The following SAMSN1 variants were observed in gnomAD, a reference collection of about 807,000 sequenced individuals.
SAMSN1 encodes the protein SAM domain-containing protein SAMSN-1.
In SAMSN1, 31 loss-of-function variants were observed where a neutral mutation model predicts 42.0. That is an observed-to-expected ratio of 0.74 (90% confidence interval 0.55 to 1.00). The LOEUF (loss-of-function observed/expected upper bound fraction) is 1.00. Among genes scored for constraint, SAMSN1 ranks in the 50% least tolerant of loss-of-function variants. The probability of loss-of-function intolerance (pLI) is 0.00; values close to 1 mark genes in which losing one functional copy is unlikely to be tolerated. For missense variants in SAMSN1, 464 were observed against 439.4 expected, an observed-to-expected ratio of 1.06 and a Z score of -0.50; for synonymous variants, 178 against 151.9, an observed-to-expected ratio of 1.17 and a Z score of -1.26.
chr21:14,599,977 T>A (rs530108199), intron 6 of SAMSN1, among the ~76,000 whole-genome samples: 1 of 152,252 alleles, frequency 6.6e-6, no homozygotes, highest in Admixed American at 6.5e-5. Flanking sequence ...CTGAATATTG[T>A]CACATAAAAA....
At chr21:14,512,125 A>G (rs1231913817) in intron 4 of SAMSN1, among the ~76,000 whole-genome samples, 2 of 152,324 alleles carry the variant, frequency 1.3e-5, no homozygotes, top group East Asian at 3.9e-4. Flanking sequence ...TGTTGACTCA[A>G]GATAAAGGTG....
chr21:14,601,650 G>C (rs140213399), intron 6 of SAMSN1, among the ~76,000 whole-genome samples: 4 of 152,086 alleles, frequency 2.6e-5, no homozygotes, highest in African/African-American at 9.7e-5. Context: ...AAACTCCTGG[G>C]CTAATTAATG....
chr21:14,626,132 G>T (rs953342600), intron 2 of SAMSN1, among the ~76,000 whole-genome samples: 2 of 152,192 alleles, frequency 1.3e-5, no homozygotes, highest in African/African-American at 4.8e-5. Flanking sequence ...ATTACTTCAA[G>T]ATGGATTAAA....
intron 2 of SAMSN1, among the ~76,000 whole-genome samples, chr21:14,570,092 C>T (rs906996651): frequency 2.0e-5 from 3 of 151,866 alleles, no homozygotes; most frequent in East Asian, 3.9e-4. Flanking sequence ...CTATCACATG[C>T]GAGAAACTAA....
At chr21:14,615,960 A>C in intron 3 of SAMSN1, 1 of 579,550 alleles carries the variant, frequency 1.7e-6, no homozygotes, top group South Asian at 2.4e-5. Context: ...AAGTTTACCA[A>C]GTAAATTTGA....
At chr21:14,574,896 A>G (rs1981410483) in intron 2 of SAMSN1, among the ~76,000 whole-genome samples, 1 of 152,108 alleles carries the variant, frequency 6.6e-6, no homozygotes, top group South Asian at 2.1e-4. Flanking sequence ...CTAATAAAAA[A>G]TGTGTTTGCA....
intron 1 of SAMSN1, among the ~76,000 whole-genome samples, chr21:14,652,621 G>A (rs998549537): frequency 6.6e-6 from 1 of 152,008 alleles, no homozygotes; most frequent in African/African-American, 2.4e-5. Context: ...CAAGACATTG[G>A]TCTGGGAAAG....
At chr21:14,629,920 A>C (rs1183052706) in intron 2 of SAMSN1, among the ~76,000 whole-genome samples, 1 of 152,200 alleles carries the variant, frequency 6.6e-6, no homozygotes, top group African/African-American at 2.4e-5. Flanking sequence ...AAGTGTCCTT[A>C]AATGTGATTT....
intron 4 of SAMSN1, among the ~76,000 whole-genome samples, chr21:14,512,050 A>G (rs1408474519): frequency 4.6e-5 from 7 of 152,164 alleles, no homozygotes; most frequent in Admixed American, 4.6e-4. Flanking sequence ...GGAGAAAGAA[A>G]GAGACAGAGA....
In SAMSN1 at chr21:14,656,789, C is replaced by G. The variant is rs537618972; in HGVS notation, c.24+1959G>C. On this transcript the variant is annotated intron_variant, in intron 1 of 15. Coordinates refer to the SAMSN1 transcript ENST00000647101. ...TTACTAAAAGATTTACAATTTTCCC[C>G]TACACTTAAATAAAAGATGTTTAAC... Among the ~76,000 whole-genome samples the G allele has an allele frequency of 1.0e-3, 157 of 151,894 alleles. 1 individual carries two copies. Among genetic ancestry groups the G allele is most frequent in the Non-Finnish European group, 1.9e-3 (132 of 67,812 alleles).
At chr21:14,573,241 C>T (rs988928228) in intron 2 of SAMSN1, among the ~76,000 whole-genome samples, 1 of 152,156 alleles carries the variant, frequency 6.6e-6, no homozygotes, top group Admixed American at 6.6e-5. Flanking sequence ...CTTCTGCTCC[C>T]TTCTACAGTC....
At chr21:14,597,115 C>T (rs1343505335) in intron 6 of SAMSN1, among the ~76,000 whole-genome samples, 2 of 152,056 alleles carry the variant, frequency 1.3e-5, no homozygotes, top group African/African-American at 2.4e-5. Flanking sequence ...ATTTTGGACT[C>T]TTTTTGTTTG....
At chr21:14,503,126 T>C (rs1987244025) in intron 5 of SAMSN1, among the ~76,000 whole-genome samples, 1 of 152,184 alleles carries the variant, frequency 6.6e-6, no homozygotes, top group Non-Finnish European at 1.5e-5. Context: ...GTTACCCTTA[T>C]ATAATAGGAG....
chr21:14,653,576 C>T (rs1334819142), intron 1 of SAMSN1, among the ~76,000 whole-genome samples: 1 of 151,908 alleles, frequency 6.6e-6, no homozygotes, highest in Non-Finnish European at 1.5e-5. Context: ...ATATGAGCTA[C>T]TATTTGATAG....
intron 2 of SAMSN1, among the ~76,000 whole-genome samples, chr21:14,641,635 T>A (rs1333380933): frequency 6.6e-6 from 1 of 152,118 alleles, no homozygotes; most frequent in African/African-American, 2.4e-5. Context: ...GAATAAATGA[T>A]CATTATTATT....
chr21:14,574,837 A>C (rs531654734), intron 2 of SAMSN1, among the ~76,000 whole-genome samples: 12 of 152,286 alleles, frequency 7.9e-5, no homozygotes, highest in African/African-American at 2.9e-4. Flanking sequence ...ATCTTCTACT[A>C]TTATAATATC....
intron 5 of SAMSN1, among the ~76,000 whole-genome samples, chr21:14,502,598 T>C (rs1987214995): frequency 6.6e-6 from 1 of 152,164 alleles, no homozygotes. Context: ...GCAGCAGCAG[T>C]GGTCCCTTGG....
chr21:14,579,641 C>CTTTTTTTTTTTT (rs1247868810), intron 2 of SAMSN1, among the ~76,000 whole-genome samples: 8 of 89,142 alleles, frequency 9.0e-5, no homozygotes, highest in African/African-American at 3.8e-4. Context: ...AAAATGCTCA[C>CTTTTTTTTTTTT]TTTTTTTTTT....
chr21:14,579,656 TTTTTTTTTG>T (rs1358289668), intron 2 of SAMSN1, among the ~76,000 whole-genome samples: 1 of 127,350 alleles, frequency 7.9e-6, no homozygotes, highest in African/African-American at 2.8e-5. Flanking sequence ...TTTTTTTTTT[TTTTTTTTTG>T]GAGGCAGGGT....
Sources: gnomAD v4.1 joint callset for allele counts (sites outside exome capture counted in the v4.1 genomes callset) on GRCh38, gnomAD v4.1.1 for gene constraint, MANE v1.5 for transcripts, NCBI Gene and HGNC (gene_info 2026-07-23, HGNC 2026-07-21) for gene names.